MAML3: variants seen among roughly 807,000 people sequenced by gnomAD.
The protein encoded by MAML3 is mastermind like transcriptional coactivator 3, also known as mastermind-like protein 3.
MAML3 carries 27 observed loss-of-function variants against 101.9 expected under a neutral mutation model. That is an observed-to-expected ratio of 0.27 (90% confidence interval 0.20 to 0.37). MAML3 has a LOEUF of 0.37. MAML3 is among the 10% of genes least tolerant of loss of function. MAML3 has a pLI of 1.00. For missense variants in MAML3, 1,316 were observed against 1,444.9 expected, an observed-to-expected ratio of 0.91 and a Z score of 1.45; for synonymous variants, 501 against 555.9, an observed-to-expected ratio of 0.90 and a Z score of 1.39.
intron 1 of MAML3, among the ~76,000 whole-genome samples, chr4:139,950,908 AC>A (rs112343374): frequency 3.3e-4 from 50 of 152,320 alleles, no homozygotes; most frequent in African/African-American, 1.2e-3. Flanking sequence ...CCATCGGGTT[AC>A]TAAATGGCAT....
intron 1 of MAML3, among the ~76,000 whole-genome samples, chr4:140,112,571 G>A (rs1178342247): frequency 6.6e-6 from 1 of 152,242 alleles, no homozygotes; most frequent in Non-Finnish European, 1.5e-5. Flanking sequence ...GAAAGCCATG[G>A]GCAGCTGAAG....
At chr4:139,866,056 A>G (rs1208741905) in intron 2 of MAML3, among the ~76,000 whole-genome samples, 1 of 152,256 alleles carries the variant, frequency 6.6e-6, no homozygotes, top group Admixed American at 6.5e-5. Context: ...CCTGAGGTAC[A>G]ACACAGAGCC....
chr4:140,012,438 G>A (rs981778073), intron 1 of MAML3, among the ~76,000 whole-genome samples: 5 of 152,138 alleles, frequency 3.3e-5, no homozygotes, highest in East Asian at 1.9e-4. Flanking sequence ...CAGTTCATCA[G>A]TTCTTTCTTC....
In MAML3 at chr4:139,939,477, C is replaced by T. The variant is rs182712420; in HGVS notation, c.469-48510G>A. On this transcript the variant is annotated intron_variant, in intron 1 of 4. Coordinates refer to ENST00000509479, the MANE Select transcript of MAML3 (RefSeq NM_018717.5). ...ATCTCAGTGTCTAGAATGCCCTTTT[C>T]GCCCATTCTCATCCCCCACCTCCCC... 3.6e-3 allele frequency among the ~76,000 whole-genome samples: 555 copies of T among 152,202 alleles called. 2 individuals are homozygous for T. The highest frequency in any genetic ancestry group is 0.013 in the African/African-American group (521 of 41,524).
At chr4:139,972,312 G>A (rs549667204) in intron 1 of MAML3, among the ~76,000 whole-genome samples, 39 of 152,236 alleles carry the variant, frequency 2.6e-4, no homozygotes, top group Non-Finnish European at 4.7e-4. Context: ...TAGCCACATT[G>A]GGCAACATTT....
At chr4:139,764,270 T>G (rs1729810675) in intron 2 of MAML3, among the ~76,000 whole-genome samples, 1 of 152,180 alleles carries the variant, frequency 6.6e-6, no homozygotes. Context: ...TAAACATCCT[T>G]TTGCTAGACT....
chr4:139,734,502 C>T (rs1344180196), intron 2 of MAML3, among the ~76,000 whole-genome samples: 1 of 152,258 alleles, frequency 6.6e-6, no homozygotes, highest in African/African-American at 2.4e-5. Flanking sequence ...GCCCAACCCT[C>T]TGACTCTTCA....
intron 1 of MAML3, among the ~76,000 whole-genome samples, chr4:139,987,798 T>C (rs1166651479): frequency 6.6e-5 from 10 of 151,944 alleles, no homozygotes; most frequent in Non-Finnish European, 1.2e-4. Flanking sequence ...GGCAGGTGGA[T>C]CACCTGAGGT....
At position 140,115,484 on chromosome 4, in the gene MAML3, T is replaced by C. The variant is rs571697469; in HGVS notation, c.468+37376A>G. ...CAAATTAATGCATAAGAGTAAATAT[T>C]TTCATCCACAATAACACAAATTAAT... On this transcript the variant is annotated intron_variant, in intron 1 of 4. Transcript: ENST00000509479. Among the ~76,000 whole-genome samples the C allele has an allele frequency of 2.0e-5, 3 of 152,280 alleles. No individual in the cohort carries two copies. The South Asian group carries it at 6.2e-4, about 32-fold the overall frequency.
At position 140,146,749 on chromosome 4, in the gene MAML3, C is replaced by T. The variant is rs570309565; in HGVS notation, c.468+6111G>A. 5.0e-4 allele frequency among the ~76,000 whole-genome samples: 76 copies of T among 152,160 alleles called. 1 individual carries two copies. The highest frequency in any genetic ancestry group is 8.5e-4 in the Admixed American group (13 of 15,290). On this transcript the variant is annotated intron_variant, in intron 1 of 4. Coordinates refer to ENST00000509479, the MANE Select transcript of MAML3 (RefSeq NM_018717.5). ...GGTATGAAACAACAGGAAAGTAAAGCATATTATAATATTTTCCTTAAAAAT... is the reference window on the plus strand; with the variant it reads ...GGTATGAAACAACAGGAAAGTAAAGTATATTATAATATTTTCCTTAAAAAT...
At chr4:140,121,783 A>G (rs1192961952) in intron 1 of MAML3, among the ~76,000 whole-genome samples, 1 of 152,224 alleles carries the variant, frequency 6.6e-6, no homozygotes, top group African/African-American at 2.4e-5. Context: ...ACTGCTCAAT[A>G]GTGCATGATA....
chr4:139,872,286 T>C (rs925035101), intron 2 of MAML3, among the ~76,000 whole-genome samples: 5 of 152,228 alleles, frequency 3.3e-5, no homozygotes, highest in Non-Finnish European at 5.9e-5. Context: ...TTTACTTCCT[T>C]TGTGAGGCTC....
intron 2 of MAML3, among the ~76,000 whole-genome samples, chr4:139,798,534 C>A (rs1250466276): frequency 6.6e-6 from 1 of 152,178 alleles, no homozygotes; most frequent in Non-Finnish European, 1.5e-5. Flanking sequence ...TTGTCAAGTG[C>A]AACAGAAAGA....
chr4:139,967,011 A>T (rs1734144778), intron 1 of MAML3, among the ~76,000 whole-genome samples: 1 of 152,254 alleles, frequency 6.6e-6, no homozygotes, highest in Admixed American at 6.5e-5. Flanking sequence ...TATTCTGGTA[A>T]ATAAAAGAAT....
intron 1 of MAML3, among the ~76,000 whole-genome samples, chr4:140,087,325 C>A (rs758846473): frequency 3.3e-5 from 5 of 152,202 alleles, no homozygotes; most frequent in Admixed American, 6.5e-5. Context: ...CTCATCCCTG[C>A]CATAGCATCC....
chr4:139,858,725 G>A (rs558539673), intron 2 of MAML3, among the ~76,000 whole-genome samples: 5 of 152,190 alleles, frequency 3.3e-5, no homozygotes, highest in East Asian at 3.9e-4. Context: ...GCTCCCGACC[G>A]CTCTGTGATC....
intron 2 of MAML3, among the ~76,000 whole-genome samples, chr4:139,844,274 T>A (rs1731406234): frequency 6.6e-6 from 1 of 152,214 alleles, no homozygotes; most frequent in African/African-American, 2.4e-5. Context: ...AATGAGTAGT[T>A]GCCTAAAGAA....
chr4:139,870,186 GATA>G (rs1731978192), intron 2 of MAML3, among the ~76,000 whole-genome samples: 1 of 152,220 alleles, frequency 6.6e-6, no homozygotes, highest in Admixed American at 6.5e-5. Context: ...TTTTGGGCTA[GATA>G]ATGCTTTGTT....
At chr4:140,130,700 G>A (rs1394050267) in intron 1 of MAML3, among the ~76,000 whole-genome samples, 1 of 152,080 alleles carries the variant, frequency 6.6e-6, no homozygotes, top group East Asian at 1.9e-4. Context: ...AAGCTTACAG[G>A]CCTAGCTTAC....
Sources: allele counts gnomAD v4.1 joint callset (sites outside exome capture counted in the v4.1 genomes callset), GRCh38; gene constraint gnomAD v4.1.1; transcripts MANE v1.5; gene names NCBI Gene and HGNC (gene_info 2026-07-23, HGNC 2026-07-21).